GCNT2: variants seen among roughly 807,000 people sequenced by gnomAD.
GCNT2 encodes glucosaminyl (N-acetyl) transferase 2 (I blood group).
In GCNT2, 34 loss-of-function variants were observed where a neutral mutation model predicts 34.2. The ratio of observed to expected loss-of-function variants is 1.00; its 90% CI spans 0.76 to 1.32. The LOEUF is 1.32. Among genes scored for constraint, GCNT2 ranks in the 40% most tolerant of loss-of-function variants. The pLI is 0.00. For missense variants in GCNT2, 584 were observed against 489.4 expected (o/e 1.19, Z -1.82); for synonymous variants, 212 against 188.0 (o/e 1.13, Z -1.04).
chr6:10,567,230 T>TG (rs1293757080), intron 3 of GCNT2, among the ~76,000 whole-genome samples: 2 of 152,150 alleles, frequency 1.3e-5, no homozygotes, highest in African/African-American at 4.8e-5. Flanking sequence ...GAGGCTAAGG[T>TG]GGAAAGATCA....
intron 3 of GCNT2, among the ~76,000 whole-genome samples, chr6:10,530,535 C>G (rs1458548693): frequency 2.6e-5 from 4 of 152,006 alleles, no homozygotes; most frequent in Non-Finnish European, 4.4e-5. Context: ...ATACAACTTT[C>G]AAATTTTTTA....
chr6:10,602,542 G>A (rs566662970), intron 3 of GCNT2, among the ~76,000 whole-genome samples: 2 of 152,294 alleles, frequency 1.3e-5, no homozygotes, highest in South Asian at 4.1e-4. Context: ...TAGGGACTTA[G>A]TTCCCAGACT....
rs1380145884 is a variant in GCNT2 at position 10,621,544 on chromosome 6, A to G, written c.1018+101A>G. On this transcript the variant is annotated intron_variant, in intron 4 of 4. Coordinates refer to ENST00000495262, the MANE Select transcript of GCNT2 (RefSeq NM_145649.5). ...CTCATGGAGAGAGAATTGCTGCTAT[A>G]TTTAGACCAATCTGTTAGTTATTGG... 3 of 756,728 alleles carry G rather than the reference A, an allele frequency of 4.0e-6. No individual in the cohort carries two copies. In the East Asian group the frequency reaches 8.0e-5, roughly 20 times the overall value. 46.9% of individuals were successfully genotyped at this position (756,728 alleles called of 1,614,324 possible). A position where few individuals can be genotyped will look rare whatever the true frequency, so the allele number is the denominator to read the frequency against.
At chr6:10,619,324 A>G (rs1262913866) in intron 3 of GCNT2, 2 of 151,436 alleles carry the variant, frequency 1.3e-5, no homozygotes, top group Admixed American at 1.3e-4. Context: ...TGGGACTACA[A>G]GAGTGCATCA....
At chr6:10,623,128 T>A (rs1324861615) in intron 4 of GCNT2, among the ~76,000 whole-genome samples, 1 of 152,028 alleles carries the variant, frequency 6.6e-6, no homozygotes, top group Non-Finnish European at 1.5e-5. Flanking sequence ...AACTCTCCAT[T>A]ACACCAACCT....
chr6:10,571,305 G>C (rs975038200), intron 3 of GCNT2, among the ~76,000 whole-genome samples: 1 of 152,062 alleles, frequency 6.6e-6, no homozygotes. Context: ...TTTAGAAACT[G>C]TAATGCTATA....
At chr6:10,556,415 C>T in intron 3 of GCNT2, 1 of 1,613,726 alleles carries the variant, frequency 6.2e-7, no homozygotes. Context: ...TTTCACCCTT[C>T]TTTGAGGCAT....
At position 10,628,302 on chromosome 6, in the gene GCNT2, A is replaced by G. The variant is rs1220857622; in HGVS notation, c.*1695A>G. The stretch of plus-strand genomic sequence containing the variant: ...TTTATTCTAACAAAAAGCAATTACT[A>G]CAAATGGATGACACATTTAATGAAC... On this transcript the variant is annotated 3_prime_UTR_variant, in exon 5 of 5. Coordinates refer to ENST00000495262, the MANE Select transcript of GCNT2 (RefSeq NM_145649.5). 1 of 152,666 alleles carries G rather than the reference A, an allele frequency of 6.6e-6. No homozygotes were observed. The highest frequency in any genetic ancestry group is 2.4e-5 in the African/African-American group (1 of 41,466). 9.5% of individuals were successfully genotyped at this position (152,666 alleles called of 1,614,324 possible). A position where few individuals can be genotyped will look rare whatever the true frequency, so the allele number is the denominator to read the frequency against.
rs1491222868 is a variant in GCNT2 at position 10,575,357 on chromosome 6, CAT to C, written c.925+45522_925+45523del. ...AGTTCTGGCCAAAAGGCTGGGTTGA[CAT>C]TTTTTTTTTTTTTTTTTTGGAGATG... On this transcript the variant is annotated intron_variant, in intron 3 of 4. Coordinates refer to ENST00000495262, the MANE Select transcript of GCNT2 (RefSeq NM_145649.5). 178 of 156,764 alleles carry C rather than the reference CAT, an allele frequency of 1.1e-3. 1 individual carries two copies. The highest frequency in any genetic ancestry group is 4.2e-3 in the Admixed American group (62 of 14,880). The allele number at this position is 156,764 out of a possible 1,614,324, so 9.7% of individuals were successfully genotyped here.
intron 3 of GCNT2, among the ~76,000 whole-genome samples, chr6:10,582,176 A>G (rs1764106826): frequency 1.5e-5 from 2 of 133,686 alleles, no homozygotes; most frequent in Non-Finnish European, 3.1e-5. Flanking sequence ...AATATTTTAT[A>G]TAAAATATAT....
At chr6:10,562,656 G>GAAAAAAAAAAAAAAA (rs57868433) in intron 3 of GCNT2, among the ~76,000 whole-genome samples, 1 of 77,522 alleles carries the variant, frequency 1.3e-5, no homozygotes, top group Non-Finnish European at 2.7e-5. Flanking sequence ...GAACTTCTCT[G>GAAAAAAAAAAAAAAA]AAAAAAAAAA....
intron 3 of GCNT2, among the ~76,000 whole-genome samples, chr6:10,543,389 C>A (rs1762121927): frequency 6.6e-6 from 1 of 152,082 alleles, no homozygotes; most frequent in Non-Finnish European, 1.5e-5. Flanking sequence ...CAGGGTTTCA[C>A]CATGTTGTTC....
intron 3 of GCNT2, among the ~76,000 whole-genome samples, chr6:10,532,437 C>T (rs992442810): frequency 2.0e-5 from 3 of 152,050 alleles, no homozygotes; most frequent in African/African-American, 7.2e-5. Flanking sequence ...TCTGCCAACT[C>T]TTTTTTTTCT....
chr6:10,555,953 G>C (rs552905125), intron 3 of GCNT2: 1 of 1,027,956 alleles, frequency 9.7e-7, no homozygotes, highest in Non-Finnish European at 1.2e-6. Flanking sequence ...CCTGCTAGGG[G>C]ACTAGCAGGA....
At chr6:10,554,564 A>G (rs1437628014) in intron 3 of GCNT2, among the ~76,000 whole-genome samples, 1 of 152,210 alleles carries the variant, frequency 6.6e-6, no homozygotes, top group Non-Finnish European at 1.5e-5. Context: ...AACTATTTTA[A>G]TGTTCATTCT....
At chr6:10,570,097 A>G (rs1763491287) in intron 3 of GCNT2, among the ~76,000 whole-genome samples, 1 of 152,024 alleles carries the variant, frequency 6.6e-6, no homozygotes, top group South Asian at 2.1e-4. Flanking sequence ...CACCATGCCC[A>G]GCTAATTTTG....
At position 10,626,495 on chromosome 6, in the gene GCNT2, A is replaced by T. The variant is rs1242645346; in HGVS notation, c.1097A>T (p.Asn366Ile). 1 of 1,613,718 alleles carries T rather than the reference A, an allele frequency of 6.2e-7. No homozygotes were observed. Among genetic ancestry groups the T allele is most frequent in the South Asian group, 1.1e-5 (1 of 91,076 alleles). ...WLVNSPSLFA[N>I]KFELNTYPLT... ...GTTAATTCACCAAGCCTGTTTGCTA[A>T]CAAGTTTGAGCTTAATACCTACCCC... Residue 366 changes from asparagine (N) to isoleucine (I), a missense_variant, in exon 5 of 5, where the codon AAC becomes ATC. Transcript: ENST00000495262.
At chr6:10,569,861 CTTTCTTTCTTTCTT>C (rs1561807378) in intron 3 of GCNT2, among the ~76,000 whole-genome samples, 1 of 114,744 alleles carries the variant, frequency 8.7e-6, no homozygotes, top group Non-Finnish European at 2.2e-5. Context: ...CTTTCTTTCT[CTTTCTTTCTTTCTT>C]TCTCTTTCTT....
At chr6:10,540,263 A>G (rs1761979369) in intron 3 of GCNT2, among the ~76,000 whole-genome samples, 1 of 152,158 alleles carries the variant, frequency 6.6e-6, no homozygotes, top group Admixed American at 6.5e-5. Context: ...GCATTCTGTG[A>G]CTAAAGCCTC....
Sources: allele counts gnomAD v4.1 joint callset (sites outside exome capture counted in the v4.1 genomes callset), GRCh38; gene constraint gnomAD v4.1.1; transcripts MANE v1.5; gene names NCBI Gene and HGNC (gene_info 2026-07-23, HGNC 2026-07-21).